RIC3: variants seen among roughly 807,000 people sequenced by gnomAD.
RIC3 encodes the protein protein RIC-3.
In RIC3, 28 loss-of-function variants were observed where a neutral mutation model predicts 27.3. The ratio of observed to expected loss-of-function variants is 1.02; its 90% CI spans 0.76 to 1.41. RIC3 has a LOEUF of 1.41. Ranked by LOEUF, RIC3 falls within the 40% of genes most tolerant of loss-of-function variation. RIC3 has a pLI of 0.00. For synonymous variants in RIC3, 184 were observed against 160.4 expected, an observed-to-expected ratio of 1.15 and a Z score of -1.11; for missense variants, 501 against 444.7, an observed-to-expected ratio of 1.13 and a Z score of -1.14.
At chr11:8,146,938 T>C (rs1949743829) in intron 1 of RIC3, among the ~76,000 whole-genome samples, 3 of 152,176 alleles carry the variant, frequency 2.0e-5, no homozygotes, top group South Asian at 4.1e-4. Flanking sequence ...GATTGTAAAA[T>C]GTTTCTTACA....
At chr11:8,146,838 G>C (rs560888501) in intron 1 of RIC3, among the ~76,000 whole-genome samples, 1 of 152,276 alleles carries the variant, frequency 6.6e-6, no homozygotes, top group South Asian at 2.1e-4. Context: ...GACAGGAAAT[G>C]TTTAGATTAA....
At chr11:8,100,797 G>A in the RIC3 span, 4 of 1,611,638 alleles carry the variant, frequency 2.5e-6, no homozygotes, top group African/African-American at 1.3e-5. Context: ...AAAGGCCTGG[G>A]CCTGGCTCAG....
At chr11:8,139,907 G>A in intron 2 of RIC3, 60 bp downstream of exon 2, 5 of 1,440,162 alleles carry the variant, frequency 3.5e-6, no homozygotes, top group East Asian at 2.3e-5. Context: ...TGTAGACAAT[G>A]ATTTTTATTG....
chr11:8,133,789 G>A (rs1425742135), intron 4 of RIC3, among the ~76,000 whole-genome samples: 1 of 152,144 alleles, frequency 6.6e-6, no homozygotes, highest in Non-Finnish European at 1.5e-5. Context: ...TTATAGTATT[G>A]CATCCCTGGC....
At chr11:8,156,409 G>C (rs534644333) in intron 1 of RIC3, among the ~76,000 whole-genome samples, 110 of 152,300 alleles carry the variant, frequency 7.2e-4, no homozygotes, top group Admixed American at 1.6e-3. Context: ...AAATGGGCAT[G>C]ATATCTACTT....
intron 1 of RIC3, among the ~76,000 whole-genome samples, chr11:8,155,168 C>T (rs1266325454): frequency 1.4e-5 from 2 of 146,086 alleles, no homozygotes; most frequent in African/African-American, 2.6e-5. Context: ...CTGTGGTGAG[C>T]TATGATCACA....
chr11:8,156,881 C>T (rs1950703922), intron 1 of RIC3, among the ~76,000 whole-genome samples: 3 of 152,164 alleles, frequency 2.0e-5, no homozygotes, highest in Admixed American at 2.0e-4. Flanking sequence ...ATAGCCTGTA[C>T]TTAAATGAAC....
chr11:8,141,931 A>G (rs1353689150), intron 1 of RIC3, among the ~76,000 whole-genome samples: 6 of 152,008 alleles, frequency 3.9e-5, no homozygotes, highest in East Asian at 3.9e-4. Context: ...TGACTACTGG[A>G]TACATAACGA....
rs764635035 is a variant in RIC3 at position 8,153,432 on chromosome 11, C to T, written c.125-13239G>A. The T allele has an allele frequency of 1.1e-5, 5 of 451,612 alleles. 1 individual carries two copies. The highest frequency in any genetic ancestry group is 3.3e-4 in the Middle Eastern group (1 of 3,076). 28.0% of individuals were successfully genotyped at this position (451,612 alleles called of 1,614,324 possible). Reference sequence around the variant, plus strand: ...TTCTCACTCTTAGTTTTCTGCAATACAAAAAAGTAATTATCACATAGTGGT... The same window carrying T: ...TTCTCACTCTTAGTTTTCTGCAATATAAAAAAGTAATTATCACATAGTGGT... On this transcript the variant is annotated intron_variant, in intron 1 of 5. Transcript: ENST00000309737.
intron 5 of RIC3, among the ~76,000 whole-genome samples, chr11:8,123,008 G>A (rs182301616): frequency 4.0e-5 from 6 of 151,838 alleles, no homozygotes; most frequent in East Asian, 1.9e-4. Context: ...TGAATCATAC[G>A]TTTAAGAGAG....
the RIC3 span, chr11:8,100,778 C>T: frequency 3.1e-6 from 5 of 1,606,046 alleles, no homozygotes; most frequent in Non-Finnish European, 4.3e-6. Flanking sequence ...CTGGGGTGGT[C>T]ATGGTGCCAA....
At position 8,126,772 on chromosome 11, in the gene RIC3, C is replaced by T. The variant is rs749838332; in HGVS notation, c.557G>A (p.Arg186Gln). Residue 186 changes from arginine (R) to glutamine (Q), a missense_variant, in exon 5 of 6, where the codon CGG becomes CAG. Arg to Gln is a conservative substitution (Grantham distance 43). Coordinates refer to ENST00000309737, the MANE Select transcript of RIC3 (RefSeq NM_001206671.4). ...GATTTCTCGGAGCTGATGTAGCAAC[C>T]GTTTCTCTTGGTCAGAAGTCACAGT... ...AQTVTSDQEK[R>Q]LLHQLREITR... The T allele has an allele frequency of 1.1e-5, 18 of 1,613,926 alleles. No individual in the cohort carries two copies. Among genetic ancestry groups the T allele is most frequent in the Non-Finnish European group, 1.4e-5 (17 of 1,180,006 alleles).
Position 8,149,180 on chromosome 11 carries a change from G to A in RIC3, c.125-8987C>T, listed in dbSNP as rs562541066. 1.7e-4 allele frequency among the ~76,000 whole-genome samples: 26 copies of A among 151,430 alleles called. 1 individual carries two copies. Among genetic ancestry groups the A allele is most frequent in the South Asian group, 1.3e-3 (6 of 4,798 alleles). On this transcript the variant is annotated intron_variant, in intron 1 of 5. Transcript: ENST00000309737. ...TGCACTCCAGCCTGGGTGACAGAGC[G>A]AGACTCTTGTCTCAAAAATAAATAA...
rs1951445361 is a variant in RIC3 at position 8,164,061 on chromosome 11, G to A, written c.124+4805C>T. Among the ~76,000 whole-genome samples the A allele has an allele frequency of 2.6e-5, 4 of 152,280 alleles. No homozygotes were observed. In the South Asian group the frequency reaches 6.2e-4, roughly 24 times the overall value. ...CAAACTCTTACATTTAGAGTCAACTGATTTGACATGGGTGCCAGAACAATT... is the reference window on the plus strand; with the variant it reads ...CAAACTCTTACATTTAGAGTCAACTAATTTGACATGGGTGCCAGAACAATT... On this transcript the variant is annotated intron_variant, in intron 1 of 5. Coordinates refer to ENST00000309737, the MANE Select transcript of RIC3 (RefSeq NM_001206671.4).
chr11:8,125,535 T>G (rs1415652374), intron 5 of RIC3, among the ~76,000 whole-genome samples: 1 of 152,192 alleles, frequency 6.6e-6, no homozygotes, highest in Admixed American at 6.5e-5. Context: ...GAAAAAATGT[T>G]CATCATCATT....
chr11:8,132,015 GTTTACAT>G (rs139851837), intron 4 of RIC3, among the ~76,000 whole-genome samples: 7,230 of 151,048 alleles, frequency 0.048, 259 homozygotes, highest in African/African-American at 0.1. Flanking sequence ...GCCTCAAAGA[GTTTACAT>G]TCCAGGAATT....
chr11:8,161,006 T>C (rs779966900), intron 1 of RIC3, among the ~76,000 whole-genome samples: 1 of 152,204 alleles, frequency 6.6e-6, no homozygotes, highest in African/African-American at 2.4e-5. Flanking sequence ...GAGAGGTCTG[T>C]GCCTTTCTCC....
chr11:8,155,803 G>T (rs1347701361), intron 1 of RIC3, among the ~76,000 whole-genome samples: 3 of 152,092 alleles, frequency 2.0e-5, no homozygotes, highest in Non-Finnish European at 2.9e-5. Context: ...GTTCAAGAAA[G>T]GTCTTAAGGG....
At chr11:8,094,772 G>A in the RIC3 span, among the ~76,000 whole-genome samples, 1 of 152,320 alleles carries the variant, frequency 6.6e-6, no homozygotes, top group East Asian at 1.9e-4. Context: ...TACACACCCC[G>A]TTTCCTCAAC....
Sources: gnomAD v4.1 joint callset for allele counts (sites outside exome capture counted in the v4.1 genomes callset) on GRCh38, gnomAD v4.1.1 for gene constraint, MANE v1.5 for transcripts, NCBI Gene and HGNC (gene_info 2026-07-23, HGNC 2026-07-21) for gene names.